Variants in STS observed in about 807,000 individuals in gnomAD.
STS encodes the protein steroid sulfatase.
STS carries 7 observed loss-of-function variants against 26.8 expected under a neutral mutation model. That is an observed-to-expected ratio of 0.26 (90% CI 0.15 to 0.49). The LOEUF is 0.49. Among genes scored for constraint, STS ranks in the 20% least tolerant of loss-of-function variants. STS has a pLI of 0.98. For missense variants in STS, 434 were observed against 465.6 expected (o/e 0.93, Z 0.63); for synonymous variants, 199 against 189.4 (o/e 1.05, Z -0.42).
intron 7 of STS, among the ~76,000 whole-genome samples, chrX:7,292,162 G>A (rs916755580): frequency 1.2e-4 from 14 of 112,839 alleles, no homozygotes; most frequent in Non-Finnish European, 2.4e-4. Flanking sequence ...GGAGAGACGT[G>A]AAATGACATT....
At chrX:7,308,333 C>T (rs1478199474) in intron 8 of STS, among the ~76,000 whole-genome samples, 2 of 112,065 alleles carry the variant, frequency 1.8e-5, no homozygotes, top group African/African-American at 6.5e-5. Context: ...AATCACAATT[C>T]TAGAAGTGGT....
intron 1 of STS, among the ~76,000 whole-genome samples, chrX:7,184,624 T>A (rs1191325304): frequency 1.8e-5 from 2 of 111,652 alleles, no homozygotes; most frequent in Non-Finnish European, 3.8e-5. Flanking sequence ...CCCAAATATC[T>A]CATCTGAAGC....
At chrX:7,324,914 G>T (rs1378699107) in intron 8 of STS, among the ~76,000 whole-genome samples, 7 of 111,414 alleles carry the variant, frequency 6.3e-5, no homozygotes, top group East Asian at 5.7e-4. Context: ...GCCATATAAG[G>T]CAAAATACCC....
At chrX:7,326,135 G>C (rs1444813757) in intron 9 of STS, among the ~76,000 whole-genome samples, 3 of 110,774 alleles carry the variant, frequency 2.7e-5, no homozygotes, top group Non-Finnish European at 5.7e-5. Flanking sequence ...GAGGGCAGGA[G>C]AAAGTCAGAG....
chrX:7,176,425 A>T (rs1201202363), intron 1 of STS, among the ~76,000 whole-genome samples: 1 of 112,037 alleles, frequency 8.9e-6, no homozygotes, highest in Non-Finnish European at 1.9e-5. Flanking sequence ...TGGATGTGAA[A>T]GATCTGGAAA....
intron 1 of STS, among the ~76,000 whole-genome samples, chrX:7,178,110 G>A (rs1472640660): frequency 8.9e-6 from 1 of 112,077 alleles, no homozygotes; most frequent in Non-Finnish European, 1.9e-5. Context: ...AATTCTGACT[G>A]GTATATTTGA....
intron 2 of STS, among the ~76,000 whole-genome samples, chrX:7,249,074 C>A (rs1478110109): frequency 9.1e-6 from 1 of 110,418 alleles, no homozygotes; most frequent in Non-Finnish European, 1.9e-5. Flanking sequence ...GTGTGTTTTA[C>A]TCAGATAAAA....
chrX:7,294,043 A>C (rs1202890930), intron 7 of STS, among the ~76,000 whole-genome samples: 1 of 111,690 alleles, frequency 9.0e-6, no homozygotes, highest in Non-Finnish European at 1.9e-5. Flanking sequence ...AGCCAAAAAA[A>C]ACTTTTAACT....
chrX:7,326,027 G>C (rs1345863886), intron 9 of STS, among the ~76,000 whole-genome samples: 1 of 111,824 alleles, frequency 8.9e-6, no homozygotes, highest in Non-Finnish European at 1.9e-5. Context: ...TTTGATGCTG[G>C]CTTTGGGGAT....
chrX:7,217,242 G>C (rs777207211), intron 2 of STS, among the ~76,000 whole-genome samples: 1 of 111,270 alleles, frequency 9.0e-6, no homozygotes. Flanking sequence ...CAGATGGAGG[G>C]GGGGTCCAGT....
chrX:7,305,977 C>T (rs1271830687), intron 8 of STS, among the ~76,000 whole-genome samples: 3 of 111,598 alleles, frequency 2.7e-5, no homozygotes, highest in East Asian at 2.8e-4. Flanking sequence ...ATTCTGCCTA[C>T]GTGAACCCAC....
At chrX:7,244,445 A>G (rs1031250352) in intron 2 of STS, among the ~76,000 whole-genome samples, 3 of 111,906 alleles carry the variant, frequency 2.7e-5, no homozygotes, top group Non-Finnish European at 3.8e-5. Context: ...ATGGTTTGGC[A>G]TTTCCAAATC....
intron 10 of STS, among the ~76,000 whole-genome samples, chrX:7,334,394 G>A (rs2053189280): frequency 9.0e-6 from 1 of 111,594 alleles, no homozygotes; most frequent in Non-Finnish European, 1.9e-5. Flanking sequence ...TCTCAACAGG[G>A]CGCTGTGGCC....
chrX:7,252,164 A>G, intron 2 of STS: 1 of 324,774 alleles, frequency 3.1e-6, no homozygotes, highest in Non-Finnish European at 4.0e-6. Context: ...CCCCAGGCAG[A>G]TGAGAAACAG....
intron 8 of STS, among the ~76,000 whole-genome samples, chrX:7,311,148 A>G (rs970710175): frequency 1.8e-5 from 2 of 108,637 alleles, no homozygotes; most frequent in African/African-American, 3.4e-5. Context: ...TGTCAGCTGT[A>G]TCAATTTTCC....
chrX:7,215,701 G>C (rs1003469229), intron 2 of STS, among the ~76,000 whole-genome samples: 1 of 111,460 alleles, frequency 9.0e-6, no homozygotes, highest in Admixed American at 9.5e-5. Flanking sequence ...AGGAGAACAA[G>C]GTTGGGGTTT....
At chrX:7,345,112 T>G (rs1174967471) in intron 10 of STS, among the ~76,000 whole-genome samples, 1 of 110,957 alleles carries the variant, frequency 9.0e-6, no homozygotes, top group Non-Finnish European at 1.9e-5. Flanking sequence ...TTGTTAAAAT[T>G]TGTAGGCGAT....
intron 7 of STS, among the ~76,000 whole-genome samples, chrX:7,293,665 G>A (rs933231461): frequency 3.5e-4 from 39 of 111,281 alleles, no homozygotes; most frequent in African/African-American, 1.2e-3. Flanking sequence ...AGTAAACCAG[G>A]GTATCAGAAA....
At chrX:7,265,423 T>A (rs1450786609) in intron 6 of STS, among the ~76,000 whole-genome samples, 1 of 111,640 alleles carries the variant, frequency 9.0e-6, no homozygotes, top group Non-Finnish European at 1.9e-5. Flanking sequence ...TATATAAATA[T>A]TCATATGATT....
Sources: gnomAD v4.1 joint callset for allele counts (sites outside exome capture counted in the v4.1 genomes callset) on GRCh38, gnomAD v4.1.1 for gene constraint, MANE v1.5 for transcripts, NCBI Gene and HGNC (gene_info 2026-07-23, HGNC 2026-07-21) for gene names.